ZNF395: variants seen among roughly 807,000 people sequenced by gnomAD.
ZNF395 encodes the protein zinc finger protein 395.
A neutral mutation model predicts 57.7 loss-of-function variants in ZNF395; 20 were observed. The observed-to-expected ratio is 0.35, with a 90% CI of 0.24 to 0.50. The LOEUF is 0.50. Among genes scored for constraint, ZNF395 ranks in the 20% least tolerant of loss-of-function variants. The pLI is 0.97. For synonymous variants in ZNF395, 295 were observed against 275.9 expected (o/e 1.07, Z -0.69); for missense variants, 606 against 671.2 (o/e 0.90, Z 1.07).
intron 1 of ZNF395, among the ~76,000 whole-genome samples, chr8:28,384,798 C>T (rs186478288): frequency 9.5e-4 from 144 of 152,362 alleles, no homozygotes; most frequent in Non-Finnish European, 1.7e-3. Flanking sequence ...AGCATCTCCA[C>T]TAACTCAGGC....
intron 1 of ZNF395, among the ~76,000 whole-genome samples, chr8:28,373,174 G>A (rs749170519): frequency 4.6e-5 from 7 of 152,170 alleles, no homozygotes; most frequent in Admixed American, 6.5e-5. Context: ...ACGTAAAATC[G>A]TGAAGGCTGC....
chr8:28,373,769 G>C (rs3735728), intron 1 of ZNF395, among the ~76,000 whole-genome samples: 49,197 of 152,016 alleles, frequency 0.32, 8,311 homozygotes, highest in East Asian at 0.49. Context: ...ACCAGCAATG[G>C]TATGTGCGAC....
chr8:28,351,161 A>G (rs186961321), intron 7 of ZNF395, among the ~76,000 whole-genome samples: 1 of 152,052 alleles, frequency 6.6e-6, no homozygotes, highest in Non-Finnish European at 1.5e-5. Context: ...CAATTCTAGG[A>G]CCTAGACGTC....
At chr8:28,351,850 C>G in intron 6 of ZNF395, 43 bp from the exon 7 acceptor site, 1 of 1,505,214 alleles carries the variant, frequency 6.6e-7, no homozygotes, top group African/African-American at 1.4e-5. Context: ...GCACCCTGCC[C>G]CCTTCAAACC....
intron 1 of ZNF395, among the ~76,000 whole-genome samples, chr8:28,377,211 A>G (rs1451577851): frequency 6.6e-6 from 1 of 152,208 alleles, no homozygotes; most frequent in African/African-American, 2.4e-5. Context: ...AAAATTTCAT[A>G]TGTAAGCTAT....
In ZNF395 at chr8:28,352,495, T is replaced by A; in HGVS notation, c.920+78A>T. On this transcript the variant is annotated intron_variant, in intron 6 of 9. Transcript: ENST00000344423. This position sits in a 1 kb window ranked among gnomAD's most constrained non-coding sequence, Gnocchi z 4.0. ...CCACGTTCCTGAAAGCACTGTGGGCTGTGGGTCACAGGGACTCGGCAGGGT... is the reference window on the plus strand; with the variant it reads ...CCACGTTCCTGAAAGCACTGTGGGCAGTGGGTCACAGGGACTCGGCAGGGT... 7.7e-7 allele frequency: 1 copy of A among 1,302,364 alleles called. No individual in the cohort carries two copies. 80.7% of individuals were successfully genotyped at this position (1,302,364 alleles called of 1,614,324 possible).
At chr8:28,348,963 G>A (rs1258556405) in intron 9 of ZNF395, 133 bp from the exon 10 acceptor site, 8 of 1,159,546 alleles carry the variant, frequency 6.9e-6, no homozygotes, top group African/African-American at 1.5e-5. Flanking sequence ...CCAGGGGCCA[G>A]AGGCTCTGAG....
chr8:28,358,973 C>T (rs1209717491), intron 3 of ZNF395, among the ~76,000 whole-genome samples: 1 of 152,168 alleles, frequency 6.6e-6, no homozygotes, highest in African/African-American at 2.4e-5. Flanking sequence ...TGTTGACTCT[C>T]GATTTAAGCC....
chr8:28,353,299 CGA>C lies in ZNF395; in HGVS notation c.691_692del (p.Ser231AlafsTer21). On this transcript the variant is annotated frameshift_variant, in exon 5 of 10. Coordinates refer to ENST00000344423, the MANE Select transcript of ZNF395 (RefSeq NM_018660.3). LOFTEE classifies it high-confidence loss of function. ...WSGSSGVSTP[S>X]PPHPQASPKY... ...TGGGGCTGGCCTGGGGGTGGGGGGG[CGA>C]GGGGGTGGAGACACCACTGCTCCCA... 3 of 1,537,142 alleles carry C rather than the reference CGA, an allele frequency of 2.0e-6. No individual in the cohort carries two copies. The highest frequency in any genetic ancestry group is 2.6e-6 in the Non-Finnish European group (3 of 1,139,756).
In ZNF395 at chr8:28,359,600, G is replaced by C. The variant is rs572715823; in HGVS notation, c.465C>G (p.Val155=). ...AYRPVSRNID[V]PKRKSDAVEM... ...TCTTCTCCCACACAAACCTCTTTGG[G>C]ACATCGATGTTCCTGGAGACGGGCC... Residue 155 remains valine, a synonymous_variant, in exon 3 of 10, where the codon GTC becomes GTG. Coordinates refer to ENST00000344423, the MANE Select transcript of ZNF395 (RefSeq NM_018660.3). This position sits in a 1 kb window ranked among gnomAD's most constrained non-coding sequence, Gnocchi z 4.7. 3.8e-6 allele frequency: 6 copies of C among 1,598,196 alleles called. No homozygotes were observed. The East Asian group carries it at 1.1e-4, about 30-fold the overall frequency.
intron 1 of ZNF395, among the ~76,000 whole-genome samples, chr8:28,367,312 C>T (rs1801923210): frequency 6.6e-6 from 1 of 152,148 alleles, no homozygotes; most frequent in African/African-American, 2.4e-5. Context: ...TCCAGCCTTC[C>T]TATTACTCTA....
At position 28,345,936 on chromosome 8, in the gene ZNF395, T is replaced by A. The variant is rs1021599252; in HGVS notation, c.*2783A>T. 3 of 152,178 alleles carry A rather than the reference T, an allele frequency of 2.0e-5. No individual in the cohort carries two copies. The highest frequency in any genetic ancestry group is 6.5e-5 in the Admixed American group (1 of 15,276). The allele number at this position is 152,178 out of a possible 1,614,324, so 9.4% of individuals were successfully genotyped here. On this transcript the variant is annotated 3_prime_UTR_variant, in exon 10 of 10. Coordinates refer to ENST00000344423, the MANE Select transcript of ZNF395 (RefSeq NM_018660.3). Reference sequence around the variant, plus strand: ...CATGGCTCAAAACACTCTCTGAAATTACAAAATTGCTTTCTGAGCCAATTT... The same window carrying A: ...CATGGCTCAAAACACTCTCTGAAATAACAAAATTGCTTTCTGAGCCAATTT...
At chr8:28,370,981 T>A (rs185521903) in intron 1 of ZNF395, among the ~76,000 whole-genome samples, 1 of 152,340 alleles carries the variant, frequency 6.6e-6, no homozygotes, top group Non-Finnish European at 1.5e-5. Context: ...AAGACTTAAG[T>A]GCCAGTCAAC....
chr8:28,384,650 C>T (rs562999836), intron 1 of ZNF395, among the ~76,000 whole-genome samples: 1 of 152,322 alleles, frequency 6.6e-6, no homozygotes, highest in Admixed American at 6.5e-5. Context: ...TAAATTATCC[C>T]ACCTGTTACT....
At chr8:28,375,641 TCA>T (rs1340992990) in intron 1 of ZNF395, among the ~76,000 whole-genome samples, 5 of 152,262 alleles carry the variant, frequency 3.3e-5, no homozygotes, top group South Asian at 2.1e-4. Flanking sequence ...AAAGAACTCC[TCA>T]CACACAGTTT....
chr8:28,353,729 C>T (rs919656288), intron 4 of ZNF395, among the ~76,000 whole-genome samples: 5 of 151,976 alleles, frequency 3.3e-5, no homozygotes, highest in African/African-American at 4.8e-5. Context: ...TATCCTCAAG[C>T]GATCCTCTGG....
Position 28,352,694 on chromosome 8 carries a change from G to A in ZNF395, c.820-21C>T, listed in dbSNP as rs1451092832. On this transcript the variant is annotated intron_variant, in intron 5 of 9. Transcript: ENST00000344423. This position sits in a 1 kb window ranked among gnomAD's most constrained non-coding sequence, Gnocchi z 4.0. Reference sequence around the variant, plus strand: ...GAGTTCTACAGGAAAGGAAGACAGGGTGAGTGGATATGTCTTTCTCCTTAT... The same window carrying A: ...GAGTTCTACAGGAAAGGAAGACAGGATGAGTGGATATGTCTTTCTCCTTAT... 1.9e-6 allele frequency: 3 copies of A among 1,594,674 alleles called. No homozygotes were observed. In the African/African-American group the frequency reaches 4.0e-5, roughly 21 times the overall value.
chr8:28,355,298 G>A (rs142049208), intron 4 of ZNF395, among the ~76,000 whole-genome samples: 157 of 152,160 alleles, frequency 1.0e-3, no homozygotes, highest in African/African-American at 3.1e-3. Context: ...TAGTATCTAC[G>A]ACTCTCTTAG....
At chr8:28,364,873 T>C (rs1801892602) in intron 1 of ZNF395, among the ~76,000 whole-genome samples, 1 of 152,334 alleles carries the variant, frequency 6.6e-6, no homozygotes, top group African/African-American at 2.4e-5. Context: ...TCTTGGCCTC[T>C]TACCTACAGG....
Sources: gnomAD v4.1 joint callset for allele counts (sites outside exome capture counted in the v4.1 genomes callset) on GRCh38, gnomAD v4.1.1 for gene constraint, Gnocchi (gnomAD v3.1) non-coding constraint, MANE v1.5 for transcripts, NCBI Gene and HGNC (gene_info 2026-07-23, HGNC 2026-07-21) for gene names.